The following NBAS variants were observed in gnomAD, a reference collection of about 807,000 sequenced individuals.
NBAS encodes NAG/BC035112 fusion.
In NBAS, 219 loss-of-function variants were observed where a neutral mutation model predicts 302.5. The observed-to-expected ratio is 0.72, with a 90% confidence interval of 0.65 to 0.81. NBAS has a LOEUF of 0.81. NBAS is among the 30% of genes least tolerant of loss of function. NBAS has a pLI of 0.00. For synonymous variants in NBAS, 1,118 were observed against 1,021.6 expected, an observed-to-expected ratio of 1.09 and a Z score of -1.80; for missense variants, 2,932 against 2,841.6, an observed-to-expected ratio of 1.03 and a Z score of -0.72.
the NBAS span, among the ~76,000 whole-genome samples, chr2:14,885,673 C>A: frequency 5.9e-3 from 897 of 152,196 alleles, 10 homozygotes; most frequent in African/African-American, 0.02. Flanking sequence ...AAGACTCAGT[C>A]CTCGAGTGTT....
At chr2:15,158,121 G>A in the NBAS span, among the ~76,000 whole-genome samples, 1 of 152,096 alleles carries the variant, frequency 6.6e-6, no homozygotes, top group African/African-American at 2.4e-5. Context: ...CCTTAGGATG[G>A]ACCAGCTCAA....
chr2:15,324,787 T>C (rs1362237081), intron 38 of NBAS, among the ~76,000 whole-genome samples: 2 of 152,226 alleles, frequency 1.3e-5, no homozygotes, highest in African/African-American at 4.8e-5. Flanking sequence ...AAGAGATCCC[T>C]AGTCATCTTC....
chr2:15,137,272 T>C, the NBAS span, among the ~76,000 whole-genome samples: 1 of 152,236 alleles, frequency 6.6e-6, no homozygotes, highest in Non-Finnish European at 1.5e-5. Context: ...CATATGTCAG[T>C]GTTAAAGACA....
At chr2:14,836,202 T>C in the NBAS span, among the ~76,000 whole-genome samples, 2 of 151,990 alleles carry the variant, frequency 1.3e-5, no homozygotes, top group African/African-American at 4.8e-5. Context: ...AGGTTTTTGT[T>C]ATTTACATGT....
chr2:15,245,992 A>T (rs1447377447), intron 44 of NBAS, among the ~76,000 whole-genome samples: 1 of 152,202 alleles, frequency 6.6e-6, no homozygotes, highest in Non-Finnish European at 1.5e-5. Context: ...GATTTATAAT[A>T]TTAAACAGTT....
intron 44 of NBAS, among the ~76,000 whole-genome samples, chr2:15,248,419 T>C (rs574241875): frequency 2.0e-4 from 31 of 152,070 alleles, no homozygotes; most frequent in African/African-American, 7.2e-4. Context: ...AGCAAACACA[T>C]TGAAAAGCTA....
At position 15,178,956 on chromosome 2, in the gene NBAS, A is replaced by G. The variant is rs1036862396; in HGVS notation, c.6840+32T>C. 70 of 1,613,486 alleles carry G rather than the reference A, an allele frequency of 4.3e-5. 3 individuals carry two copies. The South Asian group carries it at 6.6e-4, about 15-fold the overall frequency. ...ATTCCTTTGAAACATTAAAAAAAAA[A>G]AAAGAAAGAAAGTAAATTCAACTGG... On this transcript the variant is annotated intron_variant, in intron 51 of 51. Transcript: ENST00000281513.
chr2:15,374,807 T>C, intron 30 of NBAS, 87 bp from the exon 31 acceptor site: 4 of 1,138,024 alleles, frequency 3.5e-6, no homozygotes, highest in Non-Finnish European at 5.3e-6. Context: ...CACATATTTA[T>C]CAAAAATCTA....
intron 47 of NBAS, among the ~76,000 whole-genome samples, chr2:15,226,995 T>C (rs1667176391): frequency 6.6e-6 from 1 of 152,200 alleles, no homozygotes; most frequent in Non-Finnish European, 1.5e-5. Context: ...GTTCCAAACC[T>C]TGGAGGAAAA....
At chr2:15,272,505 T>C (rs1184060609) in intron 44 of NBAS, among the ~76,000 whole-genome samples, 2 of 152,222 alleles carry the variant, frequency 1.3e-5, no homozygotes. Flanking sequence ...CAGCATTGTG[T>C]GCTTTCAAAC....
chr2:15,435,169 T>C (rs1677951574), intron 21 of NBAS, among the ~76,000 whole-genome samples: 1 of 152,196 alleles, frequency 6.6e-6, no homozygotes, highest in Admixed American at 6.5e-5. Flanking sequence ...CCTATGTGAG[T>C]ATGTAGTGCT....
At chr2:15,127,219 A>T in the NBAS span, among the ~76,000 whole-genome samples, 1 of 152,176 alleles carries the variant, frequency 6.6e-6, no homozygotes, top group Non-Finnish European at 1.5e-5. Context: ...TTGCTCACCC[A>T]AGTTCTAATC....
chr2:15,331,586 A>C (rs934993094), intron 35 of NBAS, among the ~76,000 whole-genome samples: 1 of 152,232 alleles, frequency 6.6e-6, no homozygotes, highest in Non-Finnish European at 1.5e-5. Flanking sequence ...CAGAAGGATA[A>C]CGTAATAGCT....
At chr2:15,348,605 C>T (rs934085625) in intron 35 of NBAS, among the ~76,000 whole-genome samples, 9 of 151,632 alleles carry the variant, frequency 5.9e-5, no homozygotes, top group African/African-American at 2.2e-4. Flanking sequence ...ATTCCATGCT[C>T]AACAGAAAAA....
chr2:14,917,639 A>C, the NBAS span, among the ~76,000 whole-genome samples: 1 of 152,196 alleles, frequency 6.6e-6, no homozygotes, highest in Admixed American at 6.5e-5. Context: ...GCTTTCATGC[A>C]TGGTTATATA....
At chr2:14,980,303 G>A in the NBAS span, among the ~76,000 whole-genome samples, 246 of 152,178 alleles carry the variant, frequency 1.6e-3, 1 homozygote, top group Admixed American at 0.015. Flanking sequence ...CTTGAAGTTG[G>A]TCCTTGGAAG....
At position 15,352,490 on chromosome 2, in the gene NBAS, G is replaced by A. The variant is rs1368284517; in HGVS notation, c.4090-409C>T. The stretch of plus-strand genomic sequence containing the variant: ...GAAAGGAAGGAAGATACACCTGGAA[G>A]AGGCCCAAGGGAGGGATTTGAAGGA... On this transcript the variant is annotated intron_variant, in intron 34 of 51. Transcript: ENST00000281513. Among the ~76,000 whole-genome samples, 4 of 152,180 alleles carry A rather than the reference G, an allele frequency of 2.6e-5. No homozygotes were observed. In the East Asian group the frequency reaches 5.8e-4, roughly 22 times the overall value.
intron 28 of NBAS, among the ~76,000 whole-genome samples, chr2:15,390,443 T>C (rs1675535305): frequency 6.6e-6 from 1 of 151,644 alleles, no homozygotes; most frequent in Non-Finnish European, 1.5e-5. Flanking sequence ...CTATAAAGGG[T>C]TGGAGGGGAC....
chr2:15,398,146 TGG>T (rs377214262), intron 26 of NBAS, among the ~76,000 whole-genome samples: 91,320 of 150,322 alleles, frequency 0.61, 28,582 homozygotes, highest in Non-Finnish European at 0.68. Context: ...TTGTTTTGTT[TGG>T]TTTGGTTTTG....
Sources: allele counts gnomAD v4.1 joint callset (sites outside exome capture counted in the v4.1 genomes callset), GRCh38; gene constraint gnomAD v4.1.1; transcripts MANE v1.5; gene names NCBI Gene and HGNC (gene_info 2026-07-23, HGNC 2026-07-21).